Variants in CHRDL1 observed in about 807,000 individuals in gnomAD.
The protein encoded by CHRDL1 is chordin-like protein 1.
In CHRDL1, 19 loss-of-function variants were observed where a neutral mutation model predicts 40.9. That is an observed-to-expected ratio of 0.46 (90% confidence interval 0.32 to 0.68). The LOEUF is 0.68. CHRDL1 is among the 30% of genes least tolerant of loss of function. The probability of loss-of-function intolerance (pLI) is 0.03; values close to 1 mark genes in which losing one functional copy is unlikely to be tolerated. For synonymous variants in CHRDL1, 136 were observed against 123.4 expected, an observed-to-expected ratio of 1.10 and a Z score of -0.68; for missense variants, 329 against 352.1, an observed-to-expected ratio of 0.93 and a Z score of 0.53.
At chrX:110,715,212 A>G (rs1373390113) in intron 6 of CHRDL1, among the ~76,000 whole-genome samples, 1 of 111,568 alleles carries the variant, frequency 9.0e-6, no homozygotes, top group African/African-American at 3.3e-5. Context: ...AAGAAAAGAA[A>G]TTTAAATTGT....
chrX:110,728,011 GT>G (rs1249434702), intron 4 of CHRDL1, among the ~76,000 whole-genome samples: 1 of 111,404 alleles, frequency 9.0e-6, no homozygotes, highest in Non-Finnish European at 1.9e-5. Flanking sequence ...AAAAGAATAA[GT>G]TCTCTGTGCA....
In CHRDL1 at chrX:110,791,841, C is replaced by T. The variant is rs1030093016; in HGVS notation, c.94+247G>A. Among the ~76,000 whole-genome samples the T allele has an allele frequency of 2.7e-5, 3 of 112,029 alleles. No individual in the cohort carries two copies. In the East Asian group the frequency reaches 8.5e-4, roughly 32 times the overall value. ...TTTAGAACAGGGAAGAGAAAATAAG[C>T]TAATGTGTCATATGTTCTATGAGAC... On this transcript the variant is annotated intron_variant, in intron 2 of 11. Coordinates refer to ENST00000372042, the MANE Select transcript of CHRDL1 (RefSeq NM_001143981.2).
chrX:110,737,476 T>C (rs1797531974), intron 4 of CHRDL1, among the ~76,000 whole-genome samples: 1 of 111,755 alleles, frequency 8.9e-6, no homozygotes, highest in African/African-American at 3.3e-5. Flanking sequence ...GAGAGCTAGT[T>C]AGAAATGCAG....
At chrX:110,729,989 G>A (rs770745438) in intron 4 of CHRDL1, among the ~76,000 whole-genome samples, 10 of 111,833 alleles carry the variant, frequency 8.9e-5, no homozygotes, top group African/African-American at 1.3e-4. Context: ...AAATGATAGG[G>A]TTTCTGGAGG....
chrX:110,700,752 C>A lies in CHRDL1; in HGVS notation c.542-31G>T, dbSNP rs913724744. On this transcript the variant is annotated intron_variant, in intron 6 of 11. Coordinates refer to ENST00000372042, the MANE Select transcript of CHRDL1 (RefSeq NM_001143981.2). ...TATTAAAAAGAAATAAGGAGAAAAT[C>A]ATACATTCATAAAAGGGAAAGTTAT... 5 of 952,514 alleles carry A rather than the reference C, an allele frequency of 5.2e-6. No homozygotes were observed. The South Asian group carries it at 7.8e-5, about 15-fold the overall frequency. The allele number at this position is 952,514 out of a possible 1,213,427, so 78.5% of individuals were successfully genotyped here. A position where few individuals can be genotyped will look rare whatever the true frequency, so the allele number is the denominator to read the frequency against.
intron 6 of CHRDL1, among the ~76,000 whole-genome samples, chrX:110,716,147 T>C (rs767545646): frequency 8.9e-6 from 1 of 112,004 alleles, no homozygotes; most frequent in South Asian, 3.7e-4. Context: ...TTTCCTAAAG[T>C]GGTATAGGGG....
chrX:110,706,002 T>C (rs1226395610), intron 6 of CHRDL1, among the ~76,000 whole-genome samples: 1 of 111,070 alleles, frequency 9.0e-6, no homozygotes, highest in Non-Finnish European at 1.9e-5. Context: ...TAACCCATAA[T>C]TAAACTGGAA....
At position 110,690,328 on chromosome X, in the gene CHRDL1, G is replaced by A. The variant is rs759020838; in HGVS notation, c.779-1525C>T. The stretch of plus-strand genomic sequence containing the variant: ...CTCCCAAAGTGCTTGGATTACAGGC[G>A]CGAGCCACTGCGCCCAGCCACATAT... On this transcript the variant is annotated intron_variant, in intron 8 of 11. Coordinates refer to ENST00000372042, the MANE Select transcript of CHRDL1 (RefSeq NM_001143981.2). Among the ~76,000 whole-genome samples, 178 of 106,795 alleles carry A rather than the reference G, an allele frequency of 1.7e-3. 3 individuals carry two copies. Among genetic ancestry groups the A allele is most frequent in the African/African-American group, 5.6e-3 (164 of 29,150 alleles). 92.7% of individuals were successfully genotyped at this position (106,795 alleles called of 115,157 possible).
intron 8 of CHRDL1, among the ~76,000 whole-genome samples, chrX:110,690,057 T>A (rs1448711879): frequency 5.9e-5 from 5 of 84,958 alleles, no homozygotes; most frequent in Non-Finnish European, 2.2e-5. Flanking sequence ...ATATATATTT[T>A]TTTTTTGAGA....
At chrX:110,685,620 TTGC>T (rs1337643929) in intron 9 of CHRDL1, among the ~76,000 whole-genome samples, 174 of 112,007 alleles carry the variant, frequency 1.6e-3, no homozygotes, top group African/African-American at 5.3e-3. Context: ...GTTCTTTAGC[TTGC>T]TATTTTTACT....
At chrX:110,772,617 C>G (rs746346389) in intron 2 of CHRDL1, among the ~76,000 whole-genome samples, 1 of 112,541 alleles carries the variant, frequency 8.9e-6, no homozygotes, top group Non-Finnish European at 1.9e-5. Flanking sequence ...CCAGCCTGAG[C>G]GATAGAGCAA....
chrX:110,776,106 A>T (rs1276699923), intron 2 of CHRDL1, among the ~76,000 whole-genome samples: 5 of 111,983 alleles, frequency 4.5e-5, no homozygotes, highest in African/African-American at 1.6e-4. Context: ...TGCTATTTTT[A>T]TTTTGAACAA....
intron 2 of CHRDL1, among the ~76,000 whole-genome samples, chrX:110,763,573 A>T (rs1445855094): frequency 2.0e-5 from 2 of 100,804 alleles, no homozygotes; most frequent in African/African-American, 4.0e-5. Context: ...ACACATACTG[A>T]CTCTCTGTCT....
At chrX:110,709,908 G>A (rs1471140325) in intron 6 of CHRDL1, among the ~76,000 whole-genome samples, 2 of 111,262 alleles carry the variant, frequency 1.8e-5, no homozygotes, top group African/African-American at 6.6e-5. Context: ...AGGCTGAGGC[G>A]GGAGGATCAC....
chrX:110,768,097 G>A (rs2089693026), intron 2 of CHRDL1, among the ~76,000 whole-genome samples: 1 of 112,050 alleles, frequency 8.9e-6, no homozygotes, highest in Non-Finnish European at 1.9e-5. Flanking sequence ...CTTTGGAAAT[G>A]CAAGCTAATG....
At chrX:110,754,221 T>C (rs1230083206) in intron 4 of CHRDL1, among the ~76,000 whole-genome samples, 3 of 112,430 alleles carry the variant, frequency 2.7e-5, no homozygotes, top group Non-Finnish European at 5.6e-5. Flanking sequence ...TTCAAGCTAA[T>C]GTTACCATTT....
intron 4 of CHRDL1, among the ~76,000 whole-genome samples, chrX:110,740,670 G>A (rs2071343930): frequency 8.9e-6 from 1 of 111,810 alleles, no homozygotes; most frequent in African/African-American, 3.3e-5. Context: ...TATTCAAAAT[G>A]GGAAAGATGA....
intron 6 of CHRDL1, among the ~76,000 whole-genome samples, chrX:110,708,153 G>A (rs151299959): frequency 0.014 from 1,595 of 110,415 alleles, 23 homozygotes; most frequent in African/African-American, 0.05. Flanking sequence ...AACAGATGCT[G>A]GAAAGGATGA....
At chrX:110,706,928 A>G (rs1025717622) in intron 6 of CHRDL1, among the ~76,000 whole-genome samples, 5 of 112,153 alleles carry the variant, frequency 4.5e-5, no homozygotes, top group African/African-American at 1.6e-4. Context: ...GTATTTTTTG[A>G]GGCAGAAGTT....
Sources: gnomAD v4.1 joint callset for allele counts (sites outside exome capture counted in the v4.1 genomes callset) on GRCh38, gnomAD v4.1.1 for gene constraint, MANE v1.5 for transcripts, NCBI Gene and HGNC (gene_info 2026-07-23, HGNC 2026-07-21) for gene names.